Variants in FOXP2 observed in about 807,000 individuals in gnomAD.
The protein encoded by FOXP2 is forkhead box protein P2.
FOXP2 carries 12 observed loss-of-function variants against 115.8 expected under a neutral mutation model. The observed-to-expected ratio is 0.10, with a 90% CI of 0.07 to 0.17. FOXP2 has a LOEUF of 0.17. Among genes scored for constraint, FOXP2 ranks in the 10% least tolerant of loss-of-function variants. The probability of loss-of-function intolerance (pLI) is 1.00; values close to 1 mark genes in which losing one functional copy is unlikely to be tolerated. For synonymous variants in FOXP2, 328 were observed against 297.7 expected (o/e 1.10, Z -1.05); for missense variants, 629 against 843.5 (o/e 0.75, Z 3.15).
intron 1 of FOXP2, among the ~76,000 whole-genome samples, chr7:114,238,962 A>G (rs567530866): frequency 6.9e-4 from 104 of 149,690 alleles, no homozygotes; most frequent in Non-Finnish European, 1.2e-3. Context: ...ATATAAAAAT[A>G]ATGGCAAATT....
intron 9 of FOXP2, among the ~76,000 whole-genome samples, chr7:114,652,661 T>C (rs1198367919): frequency 6.6e-6 from 1 of 152,148 alleles, no homozygotes; most frequent in Non-Finnish European, 1.5e-5. Flanking sequence ...CCATGAGATT[T>C]TATATTGTGG....
intron 2 of FOXP2, among the ~76,000 whole-genome samples, chr7:114,446,384 C>T (rs1352751957): frequency 1.3e-5 from 2 of 151,656 alleles, no homozygotes; most frequent in African/African-American, 4.8e-5. Flanking sequence ...GTTTCTGACA[C>T]TATTCAGAAA....
At chr7:114,129,120 A>T (rs1791803885) in intron 1 of FOXP2, among the ~76,000 whole-genome samples, 1 of 152,174 alleles carries the variant, frequency 6.6e-6, no homozygotes, top group Non-Finnish European at 1.5e-5. Flanking sequence ...AGAAAGTAGG[A>T]CATACAGTAT....
intron 3 of FOXP2, among the ~76,000 whole-genome samples, chr7:114,623,540 G>T (rs552995878): frequency 1.5e-4 from 23 of 151,804 alleles, no homozygotes; most frequent in Admixed American, 3.9e-4. Flanking sequence ...TGCATTTTTG[G>T]CCTTTAAGCA....
intron 2 of FOXP2, among the ~76,000 whole-genome samples, chr7:114,490,770 C>A (rs1168311045): frequency 2.6e-5 from 4 of 151,904 alleles, no homozygotes; most frequent in Non-Finnish European, 4.4e-5. Context: ...GTTTTTTGTC[C>A]TTGTGATAGT....
Position 114,434,827 on chromosome 7 carries a change from T to A in FOXP2, c.168+8148T>A, listed in dbSNP as rs887139017. ...ATGTTTTTCTGATGTATGTGCATAA[T>A]CCTTGGAAATTAATTGTAATTTTAT... On this transcript the variant is annotated intron_variant, in intron 2 of 16. Transcript: ENST00000350908. Among the ~76,000 whole-genome samples, 5 of 152,140 alleles carry A rather than the reference T, an allele frequency of 3.3e-5. No individual in the cohort carries two copies. In the East Asian group the frequency reaches 9.6e-4, roughly 29 times the overall value.
rs189448929 is a variant in FOXP2, at chr7:114,380,054, T to A, written c.-10-46448T>A. The stretch of plus-strand genomic sequence containing the variant: ...GGGGTCCTTCTATAAGCATTTCTAA[T>A]GGAGGGTCCTGCCTTGCGGGTCATT... On this transcript the variant is annotated intron_variant, in intron 2 of 17. Transcript: ENST00000634411. Among the ~76,000 whole-genome samples the A allele has an allele frequency of 4.4e-3, 663 of 152,290 alleles. 4 individuals are homozygous for A. The highest frequency in any genetic ancestry group is 6.6e-3 in the Non-Finnish European group (446 of 68,006).
At chr7:114,257,955 G>T (rs1360658333) in intron 1 of FOXP2, among the ~76,000 whole-genome samples, 1 of 151,982 alleles carries the variant, frequency 6.6e-6, no homozygotes, top group Non-Finnish European at 1.5e-5. Context: ...GATAGAGAAG[G>T]GCCCAAACTC....
rs891178171 is a variant in FOXP2 at position 114,645,979 on chromosome 7, C to G, written c.1094+1190C>G. The G allele has an allele frequency of 1.5e-4, 22 of 143,200 alleles. No individual in the cohort carries two copies. The East Asian group carries it at 4.1e-3, about 27-fold the overall frequency. The allele number at this position is 143,200 out of a possible 1,614,324, so 8.9% of individuals were successfully genotyped here. On this transcript the variant is annotated intron_variant, in intron 8 of 16. Coordinates refer to ENST00000350908, the MANE Select transcript of FOXP2 (RefSeq NM_014491.4). ...CTTTTATCAAAACAGTTGTGAGCTG[C>G]CATTTCCTTGGGTATGAAACTGATT...
chr7:114,182,471 C>T (rs1232967251), intron 1 of FOXP2, among the ~76,000 whole-genome samples: 5 of 151,934 alleles, frequency 3.3e-5, no homozygotes, highest in South Asian at 2.1e-4. Context: ...TATCTGTGCA[C>T]CTCTATTTTA....
intron 10 of FOXP2, chr7:114,656,740 C>G (rs1450957781): frequency 5.0e-6 from 1 of 200,968 alleles, no homozygotes; most frequent in African/African-American, 2.4e-5. Context: ...CTTCTTCTGG[C>G]TGCTGCCCAA....
rs569484918 is a variant in FOXP2, at chr7:114,659,093, A to C, written c.1469-263A>C. ...GCCTAAACTACCCACTTTAAAGAAG[A>C]CCTGGCTATTGGAAAAAAATCCTCA... is the stretch of plus-strand genomic sequence containing the variant. On this transcript the variant is annotated intron_variant, in intron 11 of 16. Transcript: ENST00000350908. Among the ~76,000 whole-genome samples the C allele has an allele frequency of 2.0e-5, 3 of 152,224 alleles. No homozygotes were observed. In the East Asian group the frequency reaches 5.8e-4, roughly 29 times the overall value.
chr7:114,312,972 G>A (rs968304387), intron 2 of FOXP2, among the ~76,000 whole-genome samples: 1 of 152,158 alleles, frequency 6.6e-6, no homozygotes, highest in Admixed American at 6.5e-5. Flanking sequence ...CCATCAAAAG[G>A]TCTTTATAGA....
intron 3 of FOXP2, among the ~76,000 whole-genome samples, chr7:114,581,606 C>T (rs1563013896): frequency 6.6e-6 from 1 of 152,132 alleles, no homozygotes; most frequent in African/African-American, 2.4e-5. Context: ...TCAACCTATA[C>T]TGACACATCA....
At chr7:114,322,022 CTTT>C (rs5886698) in intron 2 of FOXP2, among the ~76,000 whole-genome samples, 104 of 128,322 alleles carry the variant, frequency 8.1e-4, no homozygotes, top group Admixed American at 7.8e-4. Flanking sequence ...CAGAGGATTC[CTTT>C]TTTTTTTTTT....
At chr7:114,113,378 T>A (rs1791323192) in intron 1 of FOXP2, among the ~76,000 whole-genome samples, 1 of 152,150 alleles carries the variant, frequency 6.6e-6, no homozygotes. Context: ...TGGAATTTTT[T>A]AATTCATTAT....
chr7:114,203,477 T>C (rs1794124607), intron 1 of FOXP2, among the ~76,000 whole-genome samples: 1 of 152,134 alleles, frequency 6.6e-6, no homozygotes, highest in Admixed American at 6.6e-5. Context: ...GGACTACAAG[T>C]GTGCGCCACC....
intron 2 of FOXP2, among the ~76,000 whole-genome samples, chr7:114,437,673 C>T (rs901529621): frequency 6.6e-6 from 1 of 152,138 alleles, no homozygotes; most frequent in Non-Finnish European, 1.5e-5. Context: ...GCTTTTTCCT[C>T]ATATGGTTTT....
chr7:114,443,212 A>G (rs938659623), intron 2 of FOXP2, among the ~76,000 whole-genome samples: 1 of 152,220 alleles, frequency 6.6e-6, no homozygotes, highest in African/African-American at 2.4e-5. Flanking sequence ...TGTCTCTACA[A>G]TATTTAAAGA....
Sources: gnomAD v4.1 joint callset for allele counts (sites outside exome capture counted in the v4.1 genomes callset) on GRCh38, gnomAD v4.1.1 for gene constraint, MANE v1.5 for transcripts, NCBI Gene and HGNC (gene_info 2026-07-23, HGNC 2026-07-21) for gene names.